Variants in NFAM1 observed in about 807,000 individuals in gnomAD.
NFAM1 encodes NFAT activating protein with ITAM motif 1.
A neutral mutation model predicts 29.0 loss-of-function variants in NFAM1; 17 were observed. That is an observed-to-expected ratio of 0.59 (90% CI 0.40 to 0.88). NFAM1 has a LOEUF of 0.88. NFAM1 is among the 40% of genes least tolerant of loss of function. The pLI is 0.00. For synonymous variants in NFAM1, 175 were observed against 147.2 expected (o/e 1.19, Z -1.36); for missense variants, 324 against 344.6 (o/e 0.94, Z 0.47).
Position 42,386,983 on chromosome 22 carries a change from G to A in NFAM1, c.753+6C>T, listed in dbSNP as rs749913628. 9 of 1,504,662 alleles carry A rather than the reference G, an allele frequency of 6.0e-6. No homozygotes were observed. The highest frequency in any genetic ancestry group is 1.2e-5 in the South Asian group (1 of 82,504). 93.2% of individuals were successfully genotyped at this position (1,504,662 alleles called of 1,614,324 possible). ...AGCCAGGCTTGGTGCCCCAGCGCCTGTGTACCTGGGAGAGGGGGCTCTGCT... is the reference window on the plus strand; with the variant it reads ...AGCCAGGCTTGGTGCCCCAGCGCCTATGTACCTGGGAGAGGGGGCTCTGCT... On this transcript the variant is annotated splice_donor_region_variant and intron_variant, in intron 5 of 5. Transcript: ENST00000329021.
chr22:42,400,093 G>A (rs1323213287), intron 3 of NFAM1, among the ~76,000 whole-genome samples: 1 of 152,222 alleles, frequency 6.6e-6, no homozygotes, highest in African/African-American at 2.4e-5. Flanking sequence ...ACGCAGCCAG[G>A]AAGTGGCAGA....
At chr22:42,404,245 C>G (rs1929820099) in intron 3 of NFAM1, among the ~76,000 whole-genome samples, 1 of 152,126 alleles carries the variant, frequency 6.6e-6, no homozygotes, top group African/African-American at 2.4e-5. Context: ...ACACTCTGCT[C>G]TTTGTCCTCA....
At chr22:42,404,755 T>C (rs1476452930) in intron 3 of NFAM1, among the ~76,000 whole-genome samples, 1 of 150,082 alleles carries the variant, frequency 6.7e-6, no homozygotes, top group Admixed American at 6.7e-5. Context: ...CTTGGGAGGC[T>C]GAGGCAGGAG....
chr22:42,431,122 T>TTGGGGCTGAGGCTGGCC (rs1014276036), intron 1 of NFAM1, among the ~76,000 whole-genome samples: 2 of 152,202 alleles, frequency 1.3e-5, no homozygotes, highest in Non-Finnish European at 2.9e-5. Context: ...GGGGCCCAGC[T>TTGGGGCTGAGGCTGGCC]TGGGGCTGAG....
intron 1 of NFAM1, among the ~76,000 whole-genome samples, chr22:42,418,123 G>A (rs1049804864): frequency 3.9e-5 from 6 of 152,190 alleles, no homozygotes; most frequent in Non-Finnish European, 8.8e-5. Context: ...AAATAGGGGC[G>A]ATGAGCGGGG....
chr22:42,404,934 G>C (rs1372340983), intron 3 of NFAM1, among the ~76,000 whole-genome samples: 1 of 152,004 alleles, frequency 6.6e-6, no homozygotes, highest in Non-Finnish European at 1.5e-5. Context: ...ATTTCCAGAG[G>C]AGGAAACTGA....
At chr22:42,420,289 T>C (rs539772165) in intron 1 of NFAM1, among the ~76,000 whole-genome samples, 1 of 151,940 alleles carries the variant, frequency 6.6e-6, no homozygotes, top group African/African-American at 2.4e-5. Context: ...CTGCAGAATA[T>C]AGTGAGACCC....
chr22:42,430,109 T>A (rs916587443), intron 1 of NFAM1, among the ~76,000 whole-genome samples: 1 of 147,512 alleles, frequency 6.8e-6, no homozygotes, highest in South Asian at 2.1e-4. Flanking sequence ...CGAAAAAATT[T>A]AAAAAATAGC....
In NFAM1 at chr22:42,382,360, C is replaced by G. The variant is rs1385737005; in HGVS notation, c.*2801G>C. On this transcript the variant is annotated 3_prime_UTR_variant, in exon 6 of 6. Transcript: ENST00000329021. ...CATAAGCCACTACGCCTGGCCTGAG[C>G]TGTCTTGACTGTCACTGCAAACTGA... The G allele has an allele frequency of 6.6e-6, 1 of 152,160 alleles. No individual in the cohort carries two copies. Among genetic ancestry groups the G allele is most frequent in the Non-Finnish European group, 1.5e-5 (1 of 68,036 alleles). The allele number at this position is 152,160 out of a possible 1,614,324, so 9.4% of individuals were successfully genotyped here.
At chr22:42,436,115 C>G (rs974028817), upstream of NFAM1, among the ~76,000 whole-genome samples, 1 of 152,192 alleles carries the variant, frequency 6.6e-6, no homozygotes, top group African/African-American at 2.4e-5. Flanking sequence ...CCACCGCACC[C>G]GGCCTCAATC....
rs1005721580 is a variant in NFAM1, at chr22:42,388,732, C to T, written c.664-1654G>A. Among the ~76,000 whole-genome samples the T allele has an allele frequency of 7.2e-5, 11 of 152,100 alleles. No homozygotes were observed. The highest frequency in any genetic ancestry group is 2.7e-4 in the African/African-American group (11 of 41,402). On this transcript the variant is annotated intron_variant, in intron 4 of 5. Transcript: ENST00000329021. The surrounding 1 kb of genome is among the most constrained non-coding windows in gnomAD (Gnocchi z 4.1). ...ATAAACCATTTGGCACTTGGGAGAC[C>T]CTCACTTCAAGGGCATCAGACATGG...
chr22:42,399,986 A>G (rs1929672862), intron 3 of NFAM1, among the ~76,000 whole-genome samples: 1 of 152,108 alleles, frequency 6.6e-6, no homozygotes, highest in Non-Finnish European at 1.5e-5. Flanking sequence ...GCCTTCTCTC[A>G]CGCGCCCTCC....
At chr22:42,421,757 G>A (rs1930454269) in intron 1 of NFAM1, among the ~76,000 whole-genome samples, 1 of 152,262 alleles carries the variant, frequency 6.6e-6, no homozygotes, top group Non-Finnish European at 1.5e-5. Context: ...GATTCCCCAG[G>A]TACAGAAGAA....
chr22:42,396,503 C>A lies in NFAM1; in HGVS notation c.663+1355G>T, dbSNP rs578256055. Among the ~76,000 whole-genome samples the A allele has an allele frequency of 8.0e-5, 12 of 150,784 alleles. No homozygotes were observed. The East Asian group carries it at 2.3e-3, about 29-fold the overall frequency. ...TTCTTTTATATATATATATATATAT[C>A]TCACATATGTGTATGCTGGGGGAGA... On this transcript the variant is annotated intron_variant, in intron 4 of 5. Coordinates refer to ENST00000329021, the MANE Select transcript of NFAM1 (RefSeq NM_145912.8).
chr22:42,385,148 G>C lies in NFAM1; in HGVS notation c.*13C>G. 1 of 1,607,906 alleles carries C rather than the reference G, an allele frequency of 6.2e-7. No homozygotes were observed. The highest frequency in any genetic ancestry group is 8.5e-7 in the Non-Finnish European group (1 of 1,174,484). On this transcript the variant is annotated 3_prime_UTR_variant, in exon 6 of 6. Coordinates refer to ENST00000329021, the MANE Select transcript of NFAM1 (RefSeq NM_145912.8). ...CTGACCCAGGGCAAGCTCTATGAGC[G>C]GTGGAGCCCATCCTAGAGATTTTCA...
chr22:42,409,148 G>C lies in NFAM1; in HGVS notation c.564+287C>G, dbSNP rs967387045. Among the ~76,000 whole-genome samples the C allele has an allele frequency of 2.0e-5, 3 of 152,212 alleles. No homozygotes were observed. Among genetic ancestry groups the C allele is most frequent in the African/African-American group, 7.2e-5 (3 of 41,450 alleles). ...CTAATCTGGGGAGCTAGAAATGGTA[G>C]GCAGGAGGGCCTGCAGCCTCTCCCA... On this transcript the variant is annotated intron_variant, in intron 3 of 5. Transcript: ENST00000329021. This position sits in a 1 kb window ranked among gnomAD's most constrained non-coding sequence, Gnocchi z 4.9.
At chr22:42,426,789 C>T (rs780305164) in intron 1 of NFAM1, among the ~76,000 whole-genome samples, 13 of 152,132 alleles carry the variant, frequency 8.5e-5, no homozygotes, top group Non-Finnish European at 1.8e-4. Flanking sequence ...AGGACCCCCA[C>T]GATCCACGAC....
rs149806555 is a variant in NFAM1 at position 42,380,982 on chromosome 22, A to G, written c.*4179T>C. On this transcript the variant is annotated 3_prime_UTR_variant, in exon 6 of 6. Coordinates refer to ENST00000329021, the MANE Select transcript of NFAM1 (RefSeq NM_145912.8). ...ACACCGGGTTCAGCGCAGAACCAGC[A>G]CATGTTCCCATGGAAACTCTGCTGC... 1 of 152,554 alleles carries G rather than the reference A, an allele frequency of 6.6e-6. No individual in the cohort carries two copies. Among genetic ancestry groups the G allele is most frequent in the Non-Finnish European group, 1.5e-5 (1 of 68,054 alleles). 9.5% of individuals were successfully genotyped at this position (152,554 alleles called of 1,614,324 possible). A position where few individuals can be genotyped will look rare whatever the true frequency, so the allele number is the denominator to read the frequency against.
intron 1 of NFAM1, among the ~76,000 whole-genome samples, chr22:42,421,445 CAAA>C (rs202030633): frequency 1.8e-5 from 2 of 112,586 alleles, no homozygotes; most frequent in African/African-American, 6.4e-5. Context: ...AACTCTGTCT[CAAA>C]AAAAAAAAAA....
Sources: gnomAD v4.1 joint callset for allele counts (sites outside exome capture counted in the v4.1 genomes callset) on GRCh38, gnomAD v4.1.1 for gene constraint, Gnocchi (gnomAD v3.1) non-coding constraint, MANE v1.5 for transcripts, NCBI Gene and HGNC (gene_info 2026-07-23, HGNC 2026-07-21) for gene names.